SPAG17: variants seen among roughly 807,000 people sequenced by gnomAD.
The protein encoded by SPAG17 is sperm-associated antigen 17.
SPAG17 carries 169 observed loss-of-function variants against 273.6 expected under a neutral mutation model. The ratio of observed to expected loss-of-function variants is 0.62; its 90% CI spans 0.55 to 0.70. The LOEUF (loss-of-function observed/expected upper bound fraction) is 0.70. SPAG17 is among the 30% of genes least tolerant of loss of function. SPAG17 has a pLI of 0.00. For synonymous variants in SPAG17, 825 were observed against 873.2 expected (o/e 0.94, Z 0.97); for missense variants, 2,557 against 2,627.8 (o/e 0.97, Z 0.59).
intron 1 of SPAG17, among the ~76,000 whole-genome samples, chr1:118,161,950 AC>A (rs1316512181): frequency 1.3e-5 from 2 of 152,186 alleles, no homozygotes; most frequent in Non-Finnish European, 2.9e-5. Flanking sequence ...TTAGAAGGTC[AC>A]TGCTGACCTT....
intron 15 of SPAG17, among the ~76,000 whole-genome samples, chr1:118,080,708 C>T (rs1340290504): frequency 1.3e-5 from 2 of 152,066 alleles, no homozygotes; most frequent in Admixed American, 6.5e-5. Context: ...ATAGCCTGAG[C>T]CATAAGTGGG....
intron 17 of SPAG17, among the ~76,000 whole-genome samples, chr1:118,071,323 T>A (rs1038050704): frequency 6.6e-6 from 1 of 152,176 alleles, no homozygotes; most frequent in Admixed American, 6.5e-5. Flanking sequence ...GAAGACAACT[T>A]CAGAGGACTT....
At position 117,953,930 on chromosome 1, in the gene SPAG17, G is replaced by T; in HGVS notation, c.*120C>A. The T allele has an allele frequency of 7.9e-7, 1 of 1,260,480 alleles. No homozygotes were observed. The highest frequency in any genetic ancestry group is 1.1e-6 in the Non-Finnish European group (1 of 900,564). 78.1% of individuals were successfully genotyped at this position (1,260,480 alleles called of 1,614,324 possible). ...AGCTATTTCATTTGGCAAATTTCTG[G>T]TCAGTTCTTCCAGTTTCAGTGTCCT... is the stretch of plus-strand genomic sequence containing the variant. On this transcript the variant is annotated 3_prime_UTR_variant, in exon 49 of 49. Coordinates refer to ENST00000336338, the MANE Select transcript of SPAG17 (RefSeq NM_206996.4).
chr1:118,118,015 A>T (rs1442795110), intron 3 of SPAG17, among the ~76,000 whole-genome samples: 1 of 152,228 alleles, frequency 6.6e-6, no homozygotes, highest in Non-Finnish European at 1.5e-5. Context: ...AATTAATTTC[A>T]TTTCAAAATT....
At chr1:118,146,625 T>C (rs1485699732) in intron 3 of SPAG17, among the ~76,000 whole-genome samples, 4 of 152,192 alleles carry the variant, frequency 2.6e-5, no homozygotes, top group African/African-American at 4.8e-5. Flanking sequence ...GCTTGAGCTA[T>C]TCCCTTTTCT....
At chr1:118,174,685 C>G (rs148291759) in intron 1 of SPAG17, among the ~76,000 whole-genome samples, 1 of 152,110 alleles carries the variant, frequency 6.6e-6, no homozygotes, top group Admixed American at 6.5e-5. Flanking sequence ...TTATCAAAAG[C>G]TAAAGACAGA....
At chr1:118,011,745 CACACACACACACAG>C (rs1471213632) in intron 30 of SPAG17, among the ~76,000 whole-genome samples, 1 of 151,268 alleles carries the variant, frequency 6.6e-6, no homozygotes, top group Admixed American at 6.6e-5. Context: ...ATAAATAAAA[CACACACACACACAG>C]ACACACACAC....
intron 20 of SPAG17, among the ~76,000 whole-genome samples, chr1:118,047,307 C>T (rs1025696445): frequency 6.6e-6 from 1 of 152,178 alleles, no homozygotes; most frequent in Non-Finnish European, 1.5e-5. Flanking sequence ...CATGAAAACA[C>T]CTTCACAAGA....
At chr1:118,100,622 C>T (rs1656005242) in intron 5 of SPAG17, among the ~76,000 whole-genome samples, 1 of 152,100 alleles carries the variant, frequency 6.6e-6, no homozygotes, top group Non-Finnish European at 1.5e-5. Flanking sequence ...GTTGATATTG[C>T]CCATGGACTT....
intron 1 of SPAG17, among the ~76,000 whole-genome samples, chr1:118,177,447 T>C (rs1355099719): frequency 6.6e-6 from 1 of 152,122 alleles, no homozygotes; most frequent in Non-Finnish European, 1.5e-5. Context: ...ATGGGGATTA[T>C]GGGGATTACA....
chr1:117,995,622 A>G (rs529862613), intron 34 of SPAG17, among the ~76,000 whole-genome samples: 214 of 152,014 alleles, frequency 1.4e-3, no homozygotes, highest in Non-Finnish European at 2.6e-3. Flanking sequence ...TAAAAGTTAT[A>G]AGGGCACAGA....
chr1:118,122,145 C>CTGTGTGTG (rs1430838124), intron 3 of SPAG17, among the ~76,000 whole-genome samples: 9 of 122,170 alleles, frequency 7.4e-5, no homozygotes, highest in African/African-American at 2.8e-4. Context: ...CAATGTGTGT[C>CTGTGTGTG]TGTGTGTCTG....
At chr1:118,042,140 T>C in intron 20 of SPAG17, 98 bp from the exon 21 acceptor site, 4 of 1,407,762 alleles carry the variant, frequency 2.8e-6, no homozygotes, top group Non-Finnish European at 3.8e-6. Flanking sequence ...TGATTTTTGT[T>C]AGTGTATCTC....
At chr1:118,022,238 T>C (rs912936626) in intron 28 of SPAG17, among the ~76,000 whole-genome samples, 5 of 152,158 alleles carry the variant, frequency 3.3e-5, no homozygotes, top group Non-Finnish European at 4.4e-5. Flanking sequence ...TTCTCATTTG[T>C]AAATTGGGGA....
At chr1:118,047,627 G>C (rs536468834) in intron 20 of SPAG17, among the ~76,000 whole-genome samples, 4 of 152,066 alleles carry the variant, frequency 2.6e-5, no homozygotes, top group African/African-American at 9.7e-5. Flanking sequence ...ATGCAGATCC[G>C]GCTTCCAGGC....
intron 15 of SPAG17, chr1:118,076,298 A>C (rs753698694): frequency 6.6e-5 from 10 of 152,122 alleles, no homozygotes; most frequent in Non-Finnish European, 1.2e-4. Context: ...AGGACAGGCC[A>C]GTGTTTTTCT....
rs188911778 is a variant in SPAG17 at position 117,963,099 on chromosome 1, A to T, written c.*700T>A. 32 of 152,324 alleles carry T rather than the reference A, an allele frequency of 2.1e-4. 1 individual carries two copies. The highest frequency in any genetic ancestry group is 1.7e-3 in the Admixed American group (26 of 15,298). 9.4% of individuals were successfully genotyped at this position (152,324 alleles called of 1,614,324 possible). On this transcript the variant is annotated intron_variant, in intron 48 of 48. Coordinates refer to ENST00000336338, the MANE Select transcript of SPAG17 (RefSeq NM_206996.4). ...TTTTTGGGATCCAAGCAGCCCTGGT[A>T]TGTTTTTAGAACACAGTACACATTG...
At chr1:118,035,232 T>C (rs116632242) in intron 24 of SPAG17, among the ~76,000 whole-genome samples, 2,232 of 152,332 alleles carry the variant, frequency 0.015, 27 homozygotes, top group Non-Finnish European at 0.025. Context: ...ATAAACATTT[T>C]CAAATGCCAT....
chr1:118,001,248 C>T (rs921973268), intron 32 of SPAG17, among the ~76,000 whole-genome samples: 7 of 152,120 alleles, frequency 4.6e-5, no homozygotes, highest in East Asian at 1.9e-4. Context: ...GATTTCACAT[C>T]GATGTTCATC....
Sources: allele counts gnomAD v4.1 joint callset (sites outside exome capture counted in the v4.1 genomes callset), GRCh38; gene constraint gnomAD v4.1.1; transcripts MANE v1.5; gene names NCBI Gene and HGNC (gene_info 2026-07-23, HGNC 2026-07-21).